PTGFRN: variants seen among roughly 807,000 people sequenced by gnomAD.
PTGFRN encodes the protein prostaglandin F2 receptor inhibitor, also known as prostaglandin F2 receptor negative regulator.
A neutral mutation model predicts 83.2 loss-of-function variants in PTGFRN; 35 were observed. That is an observed-to-expected ratio of 0.42 (90% confidence interval 0.32 to 0.56). PTGFRN has a LOEUF of 0.56. PTGFRN is among the 20% of genes least tolerant of loss of function. PTGFRN has a pLI of 0.11. For synonymous variants in PTGFRN, 519 were observed against 498.6 expected, an observed-to-expected ratio of 1.04 and a Z score of -0.55; for missense variants, 1,051 against 1,179.5, an observed-to-expected ratio of 0.89 and a Z score of 1.60.
intron 7 of PTGFRN, among the ~76,000 whole-genome samples, chr1:116,980,115 G>A (rs1363889577): frequency 2.6e-5 from 4 of 152,142 alleles, no homozygotes; most frequent in African/African-American, 7.2e-5. Context: ...ATGAAAAAAC[G>A]CTCATCATCA....
rs1342102471 is a variant in PTGFRN at position 116,987,404 on chromosome 1, CAG to C, written c.*442_*443del. Reference sequence around the variant, plus strand: ...AGCTTCCGCGTTGGAGGCACGTGTTCAGAGAGCTGCTGAGCGCCACCCTCTAC... The same window carrying C: ...AGCTTCCGCGTTGGAGGCACGTGTTCAGAGCTGCTGAGCGCCACCCTCTAC... On this transcript the variant is annotated 3_prime_UTR_variant, in exon 9 of 9. Transcript: ENST00000393203. 5.0e-6 allele frequency: 1 copy of C among 198,590 alleles called. No homozygotes were observed. Among genetic ancestry groups the C allele is most frequent in the Non-Finnish European group, 1.0e-5 (1 of 96,834 alleles). The allele number at this position is 198,590 out of a possible 1,614,324, so 12.3% of individuals were successfully genotyped here. A position where few individuals can be genotyped will look rare whatever the true frequency, so the allele number is the denominator to read the frequency against.
intron 3 of PTGFRN, among the ~76,000 whole-genome samples, chr1:116,945,475 A>G (rs758869125): frequency 3.2e-4 from 48 of 152,246 alleles, no homozygotes; most frequent in Admixed American, 9.8e-4. Flanking sequence ...CCCTGCCCCT[A>G]AACTTTATCG....
chr1:116,981,949 T>C (rs533881245), intron 7 of PTGFRN, among the ~76,000 whole-genome samples: 1 of 152,112 alleles, frequency 6.6e-6, no homozygotes, highest in Admixed American at 6.5e-5. Context: ...TGGGAGATGT[T>C]AGAAAAGGAA....
In PTGFRN at chr1:116,984,895, G is replaced by A. The variant is rs371795323; in HGVS notation, c.2383G>A (p.Val795Met). 6.3e-5 allele frequency: 102 copies of A among 1,614,060 alleles called. No individual in the cohort carries two copies. Among genetic ancestry groups the A allele is most frequent in the Admixed American group, 3.8e-4 (23 of 60,008 alleles). ...GGACTTTGGCAACTACTACTGTTCC[G>A]TGACTCCATGGGTGAAGTCACCAAC... The part of the protein sequence containing the change: ...DQDFGNYYCS[V>M]TPWVKSPTGS... Residue 795 changes from valine (V) to methionine (M), a missense_variant, in exon 8 of 9, where the codon GTG (valine) becomes ATG (methionine). Around this residue, in one of 3 missense-constraint regions of PTGFRN, gnomAD observed 719 missense variants for 836.6 expected, o/e 0.86. Coordinates refer to ENST00000393203, the MANE Select transcript of PTGFRN (RefSeq NM_020440.4).
At chr1:116,942,196 G>A in intron 2 of PTGFRN, 113 bp downstream of exon 2, 1 of 1,341,520 alleles carries the variant, frequency 7.5e-7, no homozygotes, top group Non-Finnish European at 1.0e-6. Flanking sequence ...TCCCTCCTCT[G>A]TCCAGGGGAA....
rs913308038 is a variant in PTGFRN, at chr1:116,952,117, A to G, written c.1213+2545A>G. Among the ~76,000 whole-genome samples the G allele has an allele frequency of 1.3e-5, 2 of 152,260 alleles. No individual in the cohort carries two copies. The highest frequency in any genetic ancestry group is 4.8e-5 in the African/African-American group (2 of 41,476). ...AATAATTACCATTTATTGAGCATCT[A>G]CTGTGTGCCAGGCACTGGACTAAGG... is the stretch of plus-strand genomic sequence containing the variant. On this transcript the variant is annotated intron_variant, in intron 4 of 8. Transcript: ENST00000393203. This position sits in a 1 kb window ranked among gnomAD's most constrained non-coding sequence, Gnocchi z 4.0.
intron 1 of PTGFRN, among the ~76,000 whole-genome samples, chr1:116,924,550 A>T (rs1388878134): frequency 6.6e-6 from 1 of 152,136 alleles, no homozygotes; most frequent in Non-Finnish European, 1.5e-5. Flanking sequence ...GAAGAGTGTA[A>T]GTAAAATTGA....
At chr1:116,910,717 G>C (rs554839471) in intron 1 of PTGFRN, among the ~76,000 whole-genome samples, 1 of 152,288 alleles carries the variant, frequency 6.6e-6, no homozygotes, top group Non-Finnish European at 1.5e-5. Flanking sequence ...CCCGCGCGGA[G>C]TTGCCTTTCC....
rs2101063083 is a variant in PTGFRN, at chr1:116,941,299, C to G, written c.50-416C>G. Among the ~76,000 whole-genome samples, 1 of 152,286 alleles carries G rather than the reference C, an allele frequency of 6.6e-6. No homozygotes were observed. Among genetic ancestry groups the G allele is most frequent in the South Asian group, 2.1e-4 (1 of 4,820 alleles). On this transcript the variant is annotated intron_variant, in intron 1 of 8. Coordinates refer to ENST00000393203, the MANE Select transcript of PTGFRN (RefSeq NM_020440.4). The surrounding 1 kb of genome is among the most constrained non-coding windows in gnomAD (Gnocchi z 5.0). ...GGTCTCAGGAGCCCCAGGGAATGGT[C>G]TCTAGGGATGAGGGCTGATGGCTGG...
intron 5 of PTGFRN, among the ~76,000 whole-genome samples, chr1:116,962,895 C>G (rs1650706007): frequency 6.6e-6 from 1 of 152,166 alleles, no homozygotes. Context: ...CAGCGTACAC[C>G]TGGAATGGTG....
chr1:116,912,024 C>G (rs1213744982), intron 1 of PTGFRN, among the ~76,000 whole-genome samples: 1 of 152,160 alleles, frequency 6.6e-6, no homozygotes, highest in Non-Finnish European at 1.5e-5. Context: ...CTGTGCAGTT[C>G]TCTGAACAAC....
chr1:116,977,861 T>C (rs1205911817), intron 7 of PTGFRN, among the ~76,000 whole-genome samples: 4 of 152,008 alleles, frequency 2.6e-5, no homozygotes, highest in Admixed American at 2.6e-4. Context: ...AGGCAAGAAA[T>C]AACTAAGATC....
chr1:116,910,090 G>A lies in PTGFRN; in HGVS notation c.-114G>A. 2 of 1,169,116 alleles carry A rather than the reference G, an allele frequency of 1.7e-6. No individual in the cohort carries two copies. 72.4% of individuals were successfully genotyped at this position (1,169,116 alleles called of 1,614,324 possible). On this transcript the variant is annotated 5_prime_UTR_variant, in exon 1 of 9. Transcript: ENST00000393203. Reference sequence around the variant, plus strand: ...GGCTCGCGAGGAGAGCGGAGCAGGCGCGCGGCCCAGGCGGAGGAGCGCCGA... The same window carrying A: ...GGCTCGCGAGGAGAGCGGAGCAGGCACGCGGCCCAGGCGGAGGAGCGCCGA...
intron 1 of PTGFRN, among the ~76,000 whole-genome samples, chr1:116,920,954 A>G (rs1006269048): frequency 1.3e-5 from 2 of 152,206 alleles, no homozygotes; most frequent in African/African-American, 4.8e-5. Flanking sequence ...TCTCCAACCA[A>G]TAGACTCAGC....
chr1:116,912,510 A>T (rs1649298551), intron 1 of PTGFRN, among the ~76,000 whole-genome samples: 1 of 152,022 alleles, frequency 6.6e-6, no homozygotes, highest in Admixed American at 6.5e-5. Flanking sequence ...GTAGTCTCTC[A>T]ATTCTTGGCT....
intron 6 of PTGFRN, among the ~76,000 whole-genome samples, chr1:116,968,745 T>G (rs1467806022): frequency 6.6e-6 from 1 of 152,180 alleles, no homozygotes; most frequent in East Asian, 1.9e-4. Flanking sequence ...ACTAATTTAC[T>G]TTCTGTCTCT....
At chr1:116,944,574 A>C in intron 2 of PTGFRN, 105 bp from the exon 3 acceptor site, 2 of 1,159,638 alleles carry the variant, frequency 1.7e-6, no homozygotes, top group Non-Finnish European at 2.2e-6. Context: ...GGGTCTTGGA[A>C]TGGGAAAGGG....
intron 3 of PTGFRN, among the ~76,000 whole-genome samples, chr1:116,948,478 G>T (rs1269323883): frequency 6.6e-6 from 1 of 152,196 alleles, no homozygotes; most frequent in Non-Finnish European, 1.5e-5. Flanking sequence ...GAATGTCTAA[G>T]AAATAAATTA....
intron 6 of PTGFRN, among the ~76,000 whole-genome samples, chr1:116,970,284 G>A (rs1474078389): frequency 6.6e-6 from 1 of 151,864 alleles, no homozygotes; most frequent in Non-Finnish European, 1.5e-5. Flanking sequence ...CACTCCTAGT[G>A]TGTTTCCTTC....
Sources: allele counts gnomAD v4.1 joint callset (sites outside exome capture counted in the v4.1 genomes callset), GRCh38; gene constraint gnomAD v4.1.1; regional missense constraint gnomAD v4.1.1; non-coding constraint Gnocchi (gnomAD v3.1); transcripts MANE v1.5; gene names NCBI Gene and HGNC (gene_info 2026-07-23, HGNC 2026-07-21).